The following FBXO48 variants were observed in gnomAD, a reference collection of about 807,000 sequenced individuals.
The protein encoded by FBXO48 is F-box protein 48, also known as F-box only protein 48.
A neutral mutation model predicts 14.3 loss-of-function variants in FBXO48; 12 were observed. The ratio of observed to expected loss-of-function variants is 0.84; its 90% confidence interval spans 0.54 to 1.36. The LOEUF is 1.36. Among genes scored for constraint, FBXO48 ranks in the 40% most tolerant of loss-of-function variants. The pLI is 0.00. For missense variants in FBXO48, 177 were observed against 179.1 expected, an observed-to-expected ratio of 0.99 and a Z score of 0.07; for synonymous variants, 53 against 61.7, an observed-to-expected ratio of 0.86 and a Z score of 0.66.
At chr2:68,465,496 T>C (rs1341405513) in intron 2 of FBXO48, among the ~76,000 whole-genome samples, 1 of 150,496 alleles carries the variant, frequency 6.6e-6, no homozygotes, top group East Asian at 1.9e-4. Context: ...AGCGATTCTC[T>C]TGACTCAGCG....
chr2:68,465,204 C>T (rs1573127289), intron 2 of FBXO48, 26 bp from the exon 3 acceptor site: 1 of 1,198,932 alleles, frequency 8.3e-7, no homozygotes, highest in Non-Finnish European at 1.2e-6. Flanking sequence ...TAAACATGCT[C>T]AGTCTCCAAA....
At position 68,462,627 on chromosome 2, in the gene FBXO48, G is replaced by T. The variant is rs1236871089; in HGVS notation, c.*1582C>A. The T allele has an allele frequency of 6.6e-6, 1 of 152,358 alleles. No homozygotes were observed. The highest frequency in any genetic ancestry group is 1.5e-5 in the Non-Finnish European group (1 of 68,164). The allele number at this position is 152,358 out of a possible 1,614,324, so 9.4% of individuals were successfully genotyped here. The stretch of plus-strand genomic sequence containing the variant: ...CCCACCTTGGTCTCCCAAAGTGCTG[G>T]GATTACAGGCGTGAGCCATGGCGCA... On this transcript the variant is annotated 3_prime_UTR_variant, in exon 4 of 4. Coordinates refer to ENST00000377957, the MANE Select transcript of FBXO48 (RefSeq NM_001024680.3).
rs1403813275 is a variant in FBXO48, at chr2:68,463,644, G to T, written c.*565C>A. 1 of 152,184 alleles carries T rather than the reference G, an allele frequency of 6.6e-6. No homozygotes were observed. Among genetic ancestry groups the T allele is most frequent in the Non-Finnish European group, 1.5e-5 (1 of 68,058 alleles). 9.4% of individuals were successfully genotyped at this position (152,184 alleles called of 1,614,324 possible). On this transcript the variant is annotated 3_prime_UTR_variant, in exon 4 of 4. Coordinates refer to ENST00000377957, the MANE Select transcript of FBXO48 (RefSeq NM_001024680.3). ...ATTGGACAAACTTTAGCCCTGAGATGACATTAACTTAAAACTAAACCACAG... is the reference window on the plus strand; with the variant it reads ...ATTGGACAAACTTTAGCCCTGAGATTACATTAACTTAAAACTAAACCACAG...
rs1028718868 is a variant in FBXO48 at position 68,464,344 on chromosome 2, C to G, written c.333G>C (p.Lys111Asn). The G allele has an allele frequency of 6.2e-7, 1 of 1,613,754 alleles. No homozygotes were observed. The highest frequency in any genetic ancestry group is 1.1e-5 in the South Asian group (1 of 91,064). ...TTAGCCATTCGTGTTTCACTTTACT[C>G]TTCTGGTAATTCCTCAGCAGTATCA... is the stretch of plus-strand genomic sequence containing the variant. ...WRVILLRNYQ[K>N]SKVKHEWLSG... Residue 111 changes from lysine (K) to asparagine (N), a missense_variant, in exon 4 of 4, where the codon AAG becomes AAC. By Grantham distance (94) the Lys-to-Asn change is moderately conservative. Coordinates refer to ENST00000377957, the MANE Select transcript of FBXO48 (RefSeq NM_001024680.3).
chr2:68,463,426 AAAC>A lies in FBXO48; in HGVS notation c.*780_*782del, dbSNP rs1675317044. The A allele has an allele frequency of 6.6e-6, 1 of 152,050 alleles. No homozygotes were observed. Among genetic ancestry groups the A allele is most frequent in the South Asian group, 2.1e-4 (1 of 4,820 alleles). The allele number at this position is 152,050 out of a possible 1,614,324, so 9.4% of individuals were successfully genotyped here. A position where few individuals can be genotyped will look rare whatever the true frequency, so the allele number is the denominator to read the frequency against. On this transcript the variant is annotated 3_prime_UTR_variant, in exon 4 of 4. Coordinates refer to ENST00000377957, the MANE Select transcript of FBXO48 (RefSeq NM_001024680.3). ...AACAGTTTTCTTTTTAATATGGAGAAAACAAAAAGGAGCTGAAAGTCCTTTGTC... is the reference window on the plus strand; with the variant it reads ...AACAGTTTTCTTTTTAATATGGAGAAAAAAAGGAGCTGAAAGTCCTTTGTC...
At chr2:68,465,292 A>G (rs1055322088) in intron 2 of FBXO48, 114 bp from the exon 3 acceptor site, 7 of 628,218 alleles carry the variant, frequency 1.1e-5, no homozygotes, top group East Asian at 5.5e-5. Context: ...TAGCTTCTCA[A>G]TCTGTAAAAT....
intron 3 of FBXO48, 116 bp downstream of exon 3, chr2:68,464,722 ACT>A: frequency 1.3e-6 from 1 of 746,644 alleles, no homozygotes; most frequent in East Asian, 2.5e-5. Context: ...GAGTCAACAC[ACT>A]GTCTGTGTTA....
intron 1 of FBXO48, among the ~76,000 whole-genome samples, chr2:68,466,723 A>G (rs973062381): frequency 3.3e-5 from 5 of 152,138 alleles, no homozygotes; most frequent in Non-Finnish European, 5.9e-5. Flanking sequence ...AACGGGAATG[A>G]AGGCTTTTGA....
chr2:68,464,456 G>A (rs1675345645), intron 3 of FBXO48, 86 bp from the exon 4 acceptor site: 3 of 1,205,446 alleles, frequency 2.5e-6, no homozygotes, highest in Non-Finnish European at 2.4e-6. Context: ...CAGATTGACA[G>A]GGCTGAAAAA....
At chr2:68,465,713 A>G (rs995561249) in intron 2 of FBXO48, among the ~76,000 whole-genome samples, 2 of 152,134 alleles carry the variant, frequency 1.3e-5, no homozygotes, top group South Asian at 2.1e-4. Context: ...TTGAAAATGT[A>G]TATGAGTCAA....
rs982984473 is a variant in FBXO48, at chr2:68,463,460, A to G, written c.*749T>C. ...GGAGCTGAAAGTCCTTTGTCTTGCTATCTAAGAATAGCACACTAGATGGTG... is the reference window on the plus strand; with the variant it reads ...GGAGCTGAAAGTCCTTTGTCTTGCTGTCTAAGAATAGCACACTAGATGGTG... On this transcript the variant is annotated 3_prime_UTR_variant, in exon 4 of 4. Coordinates refer to ENST00000377957, the MANE Select transcript of FBXO48 (RefSeq NM_001024680.3). The G allele has an allele frequency of 1.3e-5, 2 of 151,906 alleles. No individual in the cohort carries two copies. The highest frequency in any genetic ancestry group is 2.9e-5 in the Non-Finnish European group (2 of 67,982). The allele number at this position is 151,906 out of a possible 1,614,324, so 9.4% of individuals were successfully genotyped here.
At position 68,463,997 on chromosome 2, in the gene FBXO48, C is replaced by A; in HGVS notation, c.*212G>T. ...AGTATATTATTTCTTATAAAAATAA[C>A]ATTTCATGATTTTTCCACATTACAA... On this transcript the variant is annotated 3_prime_UTR_variant, in exon 4 of 4. Transcript: ENST00000377957. 1 of 458,438 alleles carries A rather than the reference C, an allele frequency of 2.2e-6. No individual in the cohort carries two copies. Among genetic ancestry groups the A allele is most frequent in the Non-Finnish European group, 3.9e-6 (1 of 255,120 alleles). The allele number at this position is 458,438 out of a possible 1,614,324, so 28.4% of individuals were successfully genotyped here. A position where few individuals can be genotyped will look rare whatever the true frequency, so the allele number is the denominator to read the frequency against.
At chr2:68,466,973 A>G (rs543018994) in intron 1 of FBXO48, among the ~76,000 whole-genome samples, 2 of 152,150 alleles carry the variant, frequency 1.3e-5, no homozygotes, top group Non-Finnish European at 2.9e-5. Context: ...ACTCCGTCCA[A>G]ATCCCGCGGG....
intron 1 of FBXO48, among the ~76,000 whole-genome samples, chr2:68,466,945 G>A (rs1675433942): frequency 6.6e-6 from 1 of 152,152 alleles, no homozygotes; most frequent in Non-Finnish European, 1.5e-5. Flanking sequence ...CAGCGCAGTC[G>A]GAGGGGCGGG....
rs561486631 is a variant in FBXO48, at chr2:68,460,902, G to A, written c.*3307C>T. On this transcript the variant is annotated 3_prime_UTR_variant, in exon 4 of 4. Transcript: ENST00000377957. The stretch of plus-strand genomic sequence containing the variant: ...GAAGTACTTATGTGTGTCAGTGTGA[G>A]TGTTTATGTGTGTCAAATATATTAA... 6.6e-6 allele frequency: 1 copy of A among 152,318 alleles called. No individual in the cohort carries two copies. Among genetic ancestry groups the A allele is most frequent in the South Asian group, 2.1e-4 (1 of 4,830 alleles). 9.4% of individuals were successfully genotyped at this position (152,318 alleles called of 1,614,324 possible). A position where few individuals can be genotyped will look rare whatever the true frequency, so the allele number is the denominator to read the frequency against.
At position 68,460,462 on chromosome 2, in the gene FBXO48, G is replaced by T. The variant is rs1192531813; in HGVS notation, c.*3747C>A. On this transcript the variant is annotated 3_prime_UTR_variant, in exon 4 of 4. Transcript: ENST00000377957. ...TTCACTGAGATAGGAACTGGAGGAA[G>T]AACTACTTTTATGAGATGGTAAGTT... 1.3e-5 allele frequency: 2 copies of T among 151,784 alleles called. No individual in the cohort carries two copies. Among genetic ancestry groups the T allele is most frequent in the African/African-American group, 4.8e-5 (2 of 41,332 alleles). 9.4% of individuals were successfully genotyped at this position (151,784 alleles called of 1,614,324 possible).
rs890477580 is a variant in FBXO48, at chr2:68,462,672, A to C, written c.*1537T>G. 2 of 152,282 alleles carry C rather than the reference A, an allele frequency of 1.3e-5. No homozygotes were observed. The highest frequency in any genetic ancestry group is 2.9e-5 in the Non-Finnish European group (2 of 68,068). 9.4% of individuals were successfully genotyped at this position (152,282 alleles called of 1,614,324 possible). On this transcript the variant is annotated 3_prime_UTR_variant, in exon 4 of 4. Coordinates refer to ENST00000377957, the MANE Select transcript of FBXO48 (RefSeq NM_001024680.3). ...GGCGCACAGCCCCTTTCTTTTGTTAAGAGTAAATGGGCAGAAGAGAATGTT... is the reference window on the plus strand; with the variant it reads ...GGCGCACAGCCCCTTTCTTTTGTTACGAGTAAATGGGCAGAAGAGAATGTT...
chr2:68,463,519 C>A lies in FBXO48; in HGVS notation c.*690G>T, dbSNP rs1675319487. On this transcript the variant is annotated 3_prime_UTR_variant, in exon 4 of 4. Transcript: ENST00000377957. ...CTGTCAGAAAGAGAGTTTTACCAGG[C>A]TAGTGTGGCATTCTGATGGTAAAGT... 1 of 151,536 alleles carries A rather than the reference C, an allele frequency of 6.6e-6. No individual in the cohort carries two copies. Among genetic ancestry groups the A allele is most frequent in the Non-Finnish European group, 1.5e-5 (1 of 67,944 alleles). 9.4% of individuals were successfully genotyped at this position (151,536 alleles called of 1,614,324 possible).
At position 68,465,064 on chromosome 2, in the gene FBXO48, T is replaced by A. The variant is rs1203152041; in HGVS notation, c.82A>T (p.Asn28Tyr). Residue 28 changes from asparagine (N) to tyrosine (Y), a missense_variant, in exon 3 of 4, where the codon AAT (asparagine) becomes TAT (tyrosine). Coordinates refer to ENST00000377957, the MANE Select transcript of FBXO48 (RefSeq NM_001024680.3). ...TCAAAAAAGTTGTTTTGACTCTCAT[T>A]TTTTTCCTTCTCAGCATCCACAGAG... The part of the protein sequence containing the change: ...ANSVDAEKEK[N>Y]ESQNNFFELL... 1 of 1,613,938 alleles carries A rather than the reference T, an allele frequency of 6.2e-7. No homozygotes were observed. The highest frequency in any genetic ancestry group is 1.7e-5 in the Admixed American group (1 of 60,024).
Sources: allele counts gnomAD v4.1 joint callset (sites outside exome capture counted in the v4.1 genomes callset), GRCh38; gene constraint gnomAD v4.1.1; transcripts MANE v1.5; gene names NCBI Gene and HGNC (gene_info 2026-07-23, HGNC 2026-07-21).